Variants in SWAP70 observed in about 807,000 individuals in gnomAD.
SWAP70 encodes switching B cell complex subunit SWAP70, also known as switch-associated protein 70.
In SWAP70, 34 loss-of-function variants were observed where a neutral mutation model predicts 80.2. The ratio of observed to expected loss-of-function variants is 0.42; its 90% CI spans 0.32 to 0.56. The LOEUF is 0.56. SWAP70 is among the 20% of genes least tolerant of loss of function. The pLI, the probability that SWAP70 is intolerant of heterozygous loss-of-function variation, is 0.09. For synonymous variants in SWAP70, 239 were observed against 238.5 expected, an observed-to-expected ratio of 1.00 and a Z score of -0.02; for missense variants, 578 against 690.7, an observed-to-expected ratio of 0.84 and a Z score of 1.83.
chr11:9,737,838 G>C lies in SWAP70; in HGVS notation c.1081-375G>C, dbSNP rs369731212. 2.1e-4 allele frequency among the ~76,000 whole-genome samples: 32 copies of C among 152,374 alleles called. No homozygotes were observed. In the East Asian group the frequency reaches 4.0e-3, roughly 19 times the overall value. ...TTGAACCTGGGAGGTGGAGGTTGCAGTGAGCCGAGATCGTGCCACTGCACT... is the reference window on the plus strand; with the variant it reads ...TTGAACCTGGGAGGTGGAGGTTGCACTGAGCCGAGATCGTGCCACTGCACT... On this transcript the variant is annotated intron_variant, in intron 7 of 11. Transcript: ENST00000318950.
intron 1 of SWAP70, among the ~76,000 whole-genome samples, chr11:9,672,226 TATGATTGTAAA>T (rs1179304343): frequency 7.3e-6 from 1 of 137,508 alleles, no homozygotes; most frequent in Non-Finnish European, 1.6e-5. Flanking sequence ...TATATATATA[TATGATTGTAAA>T]GTAATCAGGT....
At chr11:9,704,731 A>C (rs1017548047) in intron 2 of SWAP70, among the ~76,000 whole-genome samples, 1 of 152,180 alleles carries the variant, frequency 6.6e-6, no homozygotes, top group African/African-American at 2.4e-5. Flanking sequence ...GCATTTGCAC[A>C]TAACTGTTAG....
At chr11:9,688,416 C>T (rs142037429) in intron 1 of SWAP70, among the ~76,000 whole-genome samples, 70 of 151,928 alleles carry the variant, frequency 4.6e-4, no homozygotes, top group Middle Eastern at 3.4e-3. Context: ...TTTTGTTAGG[C>T]AGGAAAGGAG....
intron 1 of SWAP70, among the ~76,000 whole-genome samples, chr11:9,671,416 T>A (rs1340941744): frequency 1.4e-4 from 12 of 87,832 alleles, no homozygotes; most frequent in Admixed American, 5.0e-4. Flanking sequence ...AAAAATATAT[T>A]TATAAATATA....
At chr11:9,729,584 C>T (rs1191972157) in intron 6 of SWAP70, 133 bp downstream of exon 6, 4 of 674,994 alleles carry the variant, frequency 5.9e-6, no homozygotes, top group African/African-American at 3.7e-5. Context: ...CTGCAACCTC[C>T]ACCTCCTGGG....
chr11:9,697,384 G>A (rs192595001), intron 2 of SWAP70, among the ~76,000 whole-genome samples: 340 of 151,646 alleles, frequency 2.2e-3, no homozygotes, highest in Non-Finnish European at 4.1e-3. Context: ...CCAGGCTCAA[G>A]CAATTCTCCT....
chr11:9,717,421 C>A (rs1028853908), intron 3 of SWAP70, among the ~76,000 whole-genome samples: 5 of 152,024 alleles, frequency 3.3e-5, no homozygotes, highest in African/African-American at 7.2e-5. Context: ...ATCGCTTGAG[C>A]TCATGAGTTC....
chr11:9,715,491 G>T (rs980554696), intron 3 of SWAP70, among the ~76,000 whole-genome samples: 1 of 152,128 alleles, frequency 6.6e-6, no homozygotes, highest in Non-Finnish European at 1.5e-5. Flanking sequence ...ATTGCTGCCT[G>T]TATTAGTCCA....
chr11:9,700,622 A>G (rs1255974138), intron 2 of SWAP70, among the ~76,000 whole-genome samples: 1 of 152,208 alleles, frequency 6.6e-6, no homozygotes, highest in Non-Finnish European at 1.5e-5. Flanking sequence ...GGCCTAGCTA[A>G]TAAGTGATAG....
intron 3 of SWAP70, among the ~76,000 whole-genome samples, chr11:9,718,622 A>C (rs536096334): frequency 6.6e-6 from 1 of 152,332 alleles, no homozygotes; most frequent in East Asian, 1.9e-4. Flanking sequence ...TTAAAAAATA[A>C]ATTTTGAAGT....
intron 2 of SWAP70, among the ~76,000 whole-genome samples, chr11:9,709,249 C>T (rs906501619): frequency 1.3e-5 from 2 of 151,956 alleles, no homozygotes; most frequent in South Asian, 2.1e-4. Context: ...CTCAGTCTCC[C>T]GAGTAGCTGG....
At chr11:9,691,121 T>C (rs1850692680) in intron 1 of SWAP70, among the ~76,000 whole-genome samples, 1 of 152,200 alleles carries the variant, frequency 6.6e-6, no homozygotes, top group South Asian at 2.1e-4. Context: ...TTTTGCCATG[T>C]TGTCCAGGTT....
chr11:9,745,756 T>C (rs182047936), intron 9 of SWAP70, among the ~76,000 whole-genome samples: 2 of 152,336 alleles, frequency 1.3e-5, no homozygotes, highest in African/African-American at 4.8e-5. Context: ...TTTTGATAAA[T>C]GAGGAAGCCG....
chr11:9,743,081 G>A (rs1377059541), intron 9 of SWAP70, among the ~76,000 whole-genome samples: 2 of 130,516 alleles, frequency 1.5e-5, no homozygotes, highest in Non-Finnish European at 3.1e-5. Flanking sequence ...CCCGGTGTGT[G>A]ATGTTCCCCT....
chr11:9,733,639 T>A (rs536865501), intron 7 of SWAP70, among the ~76,000 whole-genome samples: 1 of 152,356 alleles, frequency 6.6e-6, no homozygotes, highest in African/African-American at 2.4e-5. Context: ...CCTCATTTCT[T>A]ACTGCCTCCC....
intron 1 of SWAP70, among the ~76,000 whole-genome samples, chr11:9,689,886 G>A (rs552852585): frequency 6.6e-6 from 1 of 152,290 alleles, no homozygotes; most frequent in East Asian, 1.9e-4. Flanking sequence ...ATGGGGTGGG[G>A]CTGGGGTAGC....
chr11:9,731,759 A>T lies in SWAP70; in HGVS notation c.899-770A>T, dbSNP rs141358466. ...TACATACTTATTTGTATAGGCTTAT[A>T]CTATCTCAGGAAAGATGCATAAAAA... On this transcript the variant is annotated intron_variant, in intron 6 of 11. Transcript: ENST00000318950. Among the ~76,000 whole-genome samples, 1,216 of 152,340 alleles carry T rather than the reference A, an allele frequency of 8.0e-3. 5 individuals carry two copies. The highest frequency in any genetic ancestry group is 0.012 in the Non-Finnish European group (831 of 68,022).
intron 3 of SWAP70, among the ~76,000 whole-genome samples, chr11:9,714,325 T>G (rs1219906284): frequency 6.6e-6 from 1 of 152,230 alleles, no homozygotes; most frequent in Non-Finnish European, 1.5e-5. Flanking sequence ...TTATTTAACC[T>G]GCAAGTCTTC....
chr11:9,737,960 G>A (rs3817010), intron 7 of SWAP70, among the ~76,000 whole-genome samples: 15,142 of 152,182 alleles, frequency 0.099, 1,918 homozygotes, highest in East Asian at 0.29. Context: ...TTCAATGACT[G>A]TACTAAAACT....
Sources: gnomAD v4.1 joint callset for allele counts (sites outside exome capture counted in the v4.1 genomes callset) on GRCh38, gnomAD v4.1.1 for gene constraint, MANE v1.5 for transcripts, NCBI Gene and HGNC (gene_info 2026-07-23, HGNC 2026-07-21) for gene names.